Variants in KCTD16 observed in about 807,000 individuals in gnomAD.
The protein encoded by KCTD16 is potassium channel tetramerization domain containing 16, also known as BTB/POZ domain-containing protein KCTD16.
A neutral mutation model predicts 33.2 loss-of-function variants in KCTD16; 13 were observed. The ratio of observed to expected loss-of-function variants is 0.39; its 90% CI spans 0.25 to 0.62. KCTD16 has a LOEUF of 0.62. Ranked by LOEUF, KCTD16 falls within the 20% of genes least tolerant of loss-of-function variation. KCTD16 has a pLI of 0.50. For missense variants in KCTD16, 441 were observed against 525.1 expected, an observed-to-expected ratio of 0.84 and a Z score of 1.57; for synonymous variants, 197 against 195.3, an observed-to-expected ratio of 1.01 and a Z score of -0.07.
At chr5:144,177,050 T>C (rs1752525003) in intron 2 of KCTD16, among the ~76,000 whole-genome samples, 1 of 152,188 alleles carries the variant, frequency 6.6e-6, no homozygotes, top group Non-Finnish European at 1.5e-5. Context: ...ACTTGTCAAT[T>C]TTTTGTTGTT....
intron 3 of KCTD16, among the ~76,000 whole-genome samples, chr5:144,440,670 GA>G (rs113323992): frequency 0.087 from 12,411 of 142,980 alleles, 1,664 homozygotes; most frequent in African/African-American, 0.29. Context: ...TATCTCTACT[GA>G]AAAAAAAAAA....
chr5:144,271,497 C>T (rs758625375), intron 3 of KCTD16, among the ~76,000 whole-genome samples: 11 of 151,820 alleles, frequency 7.2e-5, no homozygotes, highest in Non-Finnish European at 1.6e-4. Context: ...AAGGAAATTA[C>T]CTCAACATAA....
intron 3 of KCTD16, among the ~76,000 whole-genome samples, chr5:144,396,212 TC>T (rs1752564760): frequency 6.6e-6 from 1 of 152,138 alleles, no homozygotes; most frequent in African/African-American, 2.4e-5. Flanking sequence ...CTTCTGTCCC[TC>T]CCTTACATTT....
At chr5:144,190,345 T>C (rs1001344161) in intron 2 of KCTD16, among the ~76,000 whole-genome samples, 1 of 152,216 alleles carries the variant, frequency 6.6e-6, no homozygotes, top group Non-Finnish European at 1.5e-5. Context: ...GTAAGATCAC[T>C]TGGGCTAGCT....
At chr5:144,175,056 A>C (rs1464005733) in intron 2 of KCTD16, among the ~76,000 whole-genome samples, 1 of 152,214 alleles carries the variant, frequency 6.6e-6, no homozygotes, top group Admixed American at 6.5e-5. Context: ...TAATGATGGC[A>C]AAGCCACTCA....
intron 3 of KCTD16, among the ~76,000 whole-genome samples, chr5:144,288,397 G>C (rs1184849420): frequency 6.6e-6 from 1 of 152,110 alleles, no homozygotes; most frequent in Non-Finnish European, 1.5e-5. Flanking sequence ...TGAGATGTGG[G>C]AGCATTGCTT....
At chr5:144,220,439 T>C (rs1202271381) in intron 3 of KCTD16, among the ~76,000 whole-genome samples, 1 of 152,216 alleles carries the variant, frequency 6.6e-6, no homozygotes, top group Non-Finnish European at 1.5e-5. Context: ...GCACCTAGTA[T>C]AGTGCCTTAT....
chr5:144,219,460 C>T (rs962166913), intron 3 of KCTD16, among the ~76,000 whole-genome samples: 1 of 150,778 alleles, frequency 6.6e-6, no homozygotes, highest in African/African-American at 2.4e-5. Context: ...GTGATCTGCC[C>T]GCCTCAGCCT....
chr5:144,276,795 C>T (rs954144855), intron 3 of KCTD16, among the ~76,000 whole-genome samples: 2 of 150,850 alleles, frequency 1.3e-5, no homozygotes, highest in Non-Finnish European at 2.9e-5. Context: ...CCCAGCTACT[C>T]GGGAGGCTGA....
chr5:144,290,185 C>T (rs1340449810), intron 3 of KCTD16, among the ~76,000 whole-genome samples: 2 of 152,108 alleles, frequency 1.3e-5, no homozygotes, highest in African/African-American at 2.4e-5. Flanking sequence ...GTCTCAGCTA[C>T]TTGAGAGGCT....
chr5:144,242,875 A>G (rs1034034973), intron 3 of KCTD16, among the ~76,000 whole-genome samples: 1 of 151,920 alleles, frequency 6.6e-6, no homozygotes, highest in Non-Finnish European at 1.5e-5. Context: ...ATGACCTAAG[A>G]CCTCCCATTG....
intron 3 of KCTD16, among the ~76,000 whole-genome samples, chr5:144,317,562 G>T (rs769352954): frequency 2.0e-4 from 30 of 152,132 alleles, no homozygotes; most frequent in Non-Finnish European, 2.8e-4. Flanking sequence ...ATATAAGCTG[G>T]CCCTGCCCCA....
chr5:144,456,396 A>T (rs567417481), intron 3 of KCTD16, among the ~76,000 whole-genome samples: 7 of 152,284 alleles, frequency 4.6e-5, no homozygotes, highest in African/African-American at 1.7e-4. Context: ...TCAGCTCACT[A>T]AGCTATGTAC....
chr5:144,313,058 T>C (rs1188619476), intron 3 of KCTD16, among the ~76,000 whole-genome samples: 2 of 152,192 alleles, frequency 1.3e-5, no homozygotes, highest in African/African-American at 4.8e-5. Context: ...AAAAAAGTTA[T>C]TAAAAGCATA....
chr5:144,337,390 G>A (rs1221009578), intron 3 of KCTD16, among the ~76,000 whole-genome samples: 1 of 152,092 alleles, frequency 6.6e-6, no homozygotes. Context: ...TTTCTCAGTA[G>A]TAGGCTATGA....
intron 3 of KCTD16, among the ~76,000 whole-genome samples, chr5:144,338,472 C>T (rs1752543858): frequency 6.6e-6 from 1 of 152,022 alleles, no homozygotes; most frequent in Non-Finnish European, 1.5e-5. Context: ...GTATGTAGTG[C>T]ATATGGATCA....
chr5:144,444,204 T>TCC (rs558352780), intron 3 of KCTD16, among the ~76,000 whole-genome samples: 1 of 90,282 alleles, frequency 1.1e-5, no homozygotes, highest in African/African-American at 4.9e-5. Context: ...CCCCAACCCC[T>TCC]CCCCCCTCCA....
chr5:144,349,407 C>T (rs1055364403), intron 3 of KCTD16, among the ~76,000 whole-genome samples: 2 of 152,124 alleles, frequency 1.3e-5, no homozygotes, highest in Non-Finnish European at 2.9e-5. Context: ...GTGAAATACA[C>T]AAGTAGTTGA....
At chr5:144,171,635 C>A (rs911736578) in intron 1 of KCTD16, among the ~76,000 whole-genome samples, 10 of 152,154 alleles carry the variant, frequency 6.6e-5, no homozygotes, top group African/African-American at 2.2e-4. Flanking sequence ...ATTGCCAAAT[C>A]CAAATGTCCT....
Sources: gnomAD v4.1 joint callset for allele counts (sites outside exome capture counted in the v4.1 genomes callset) on GRCh38, gnomAD v4.1.1 for gene constraint, MANE v1.5 for transcripts, NCBI Gene and HGNC (gene_info 2026-07-23, HGNC 2026-07-21) for gene names.